Variants in PCDHGA2 observed in about 807,000 individuals in gnomAD.
PCDHGA2 encodes protocadherin gamma subfamily A, 2.
PCDHGA2 carries 40 observed loss-of-function variants against 59.2 expected under a neutral mutation model. The ratio of observed to expected loss-of-function variants is 0.68; its 90% CI spans 0.52 to 0.88. The LOEUF (loss-of-function observed/expected upper bound fraction) is 0.88, where lower values mean the gene tolerates loss of function less well. Ranked by LOEUF, PCDHGA2 falls within the 40% of genes least tolerant of loss-of-function variation. The probability of loss-of-function intolerance (pLI) is 0.00; values close to 1 mark genes in which losing one functional copy is unlikely to be tolerated. For missense variants in PCDHGA2, 1,226 were observed against 1,204.0 expected (o/e 1.02, Z -0.27); for synonymous variants, 560 against 526.0 (o/e 1.06, Z -0.89).
At chr5:141,438,631 TATATACACAC>T (rs1330021858) in intron 1 of PCDHGA2, among the ~76,000 whole-genome samples, 2,835 of 42,824 alleles carry the variant, frequency 0.066, 23 homozygotes, top group African/African-American at 0.13. Flanking sequence ...TATATATATA[TATATACACAC>T]ACACACACAC....
At chr5:141,427,693 C>G in intron 1 of PCDHGA2, 1 of 909,726 alleles carries the variant, frequency 1.1e-6, no homozygotes, top group Non-Finnish European at 1.8e-6. Flanking sequence ...GCCTCCATCC[C>G]ACAAGTCAGC....
At position 141,340,365 on chromosome 5, in the gene PCDHGA2, A is replaced by G; in HGVS notation, c.1394A>G (p.Asn465Ser). Reference protein sequence around the residue: ...TSYSTYIPENNPRGASVFSVT... With the variant: ...TSYSTYIPENSPRGASVFSVT... The stretch of plus-strand genomic sequence containing the variant: ...TACTCCACCTACATTCCCGAAAACA[A>G]CCCCAGAGGAGCCTCTGTCTTCTCA... The change falls in exon 1 of 4, where the codon AAC (asparagine) becomes AGC (serine). Residue 465 changes from asparagine (N) to serine (S), a missense_variant. Coordinates refer to ENST00000394576, the MANE Select transcript of PCDHGA2 (RefSeq NM_018915.4). 4.3e-6 allele frequency: 7 copies of G among 1,613,566 alleles called. No homozygotes were observed. Among genetic ancestry groups the G allele is most frequent in the Non-Finnish European group, 5.9e-6 (7 of 1,179,888 alleles).
At chr5:141,372,619 C>T in intron 1 of PCDHGA2, 1 of 1,613,968 alleles carries the variant, frequency 6.2e-7, no homozygotes, top group African/African-American at 1.3e-5. Flanking sequence ...GTTCTCCCCA[C>T]CTACAGCGAA....
chr5:141,361,862 A>G (rs529050420), intron 1 of PCDHGA2: 1 of 1,611,966 alleles, frequency 6.2e-7, no homozygotes, highest in East Asian at 2.2e-5. Context: ...GCCCTCTTCG[A>G]TATGGTGCCA....
At chr5:141,388,721 C>A (rs373386803) in intron 1 of PCDHGA2, 33 of 1,613,884 alleles carry the variant, frequency 2.0e-5, no homozygotes, top group Non-Finnish European at 2.7e-5. Context: ...AGATTACTTT[C>A]TCTTTCAGTG....
At chr5:141,373,472 A>G (rs1012142467) in intron 1 of PCDHGA2, among the ~76,000 whole-genome samples, 1 of 152,230 alleles carries the variant, frequency 6.6e-6, no homozygotes, top group African/African-American at 2.4e-5. Context: ...GCAATGAGCT[A>G]TAATTGTGCC....
At chr5:141,351,132 A>G (rs1415621297) in intron 1 of PCDHGA2, 2 of 1,614,032 alleles carry the variant, frequency 1.2e-6, no homozygotes, top group South Asian at 1.1e-5. Flanking sequence ...TTCAATCTCA[A>G]TCCAAATACT....
rs774439162 is a variant in PCDHGA2 at position 141,360,155 on chromosome 5, G to T, written c.2424+18760G>T. 2.5e-6 allele frequency: 4 copies of T among 1,603,962 alleles called. No individual in the cohort carries two copies. In the South Asian group the frequency reaches 4.5e-5, roughly 18 times the overall value. On this transcript the variant is annotated intron_variant, in intron 1 of 3. Transcript: ENST00000394576. The stretch of plus-strand genomic sequence containing the variant: ...CAGAAGATGAAAGCGAGCTCAGGGA[G>T]GTGCGGGCTGGTGCGGTGGCTGCAG...
intron 1 of PCDHGA2, chr5:141,394,218 G>C: frequency 6.2e-7 from 1 of 1,613,918 alleles, no homozygotes; most frequent in Non-Finnish European, 8.5e-7. Context: ...CCTGAGAGGA[G>C]CCTCCATCTT....
At position 141,370,441 on chromosome 5, in the gene PCDHGA2, T is replaced by C. The variant is rs2149963078; in HGVS notation, c.2424+29046T>C. On this transcript the variant is annotated intron_variant, in intron 1 of 3. Transcript: ENST00000394576. ...AGGGGCCCAGCAGGGCAGAGGCGAA[T>C]GCTATTTCTCTTCCTGCTCTCTTTG... 3.1e-6 allele frequency: 5 copies of C among 1,605,944 alleles called. No homozygotes were observed. Among genetic ancestry groups the C allele is most frequent in the Admixed American group, 1.7e-5 (1 of 58,778 alleles).
intron 1 of PCDHGA2, chr5:141,411,352 C>T (rs1002274073): frequency 2.6e-5 from 4 of 152,176 alleles, no homozygotes; most frequent in African/African-American, 9.7e-5. Flanking sequence ...GAAAGTATCA[C>T]TTGAGCCCAA....
Position 141,476,373 on chromosome 5 carries a change from T to C in PCDHGA2, c.2425-18434T>C. 1 of 1,614,054 alleles carries C rather than the reference T, an allele frequency of 6.2e-7. No individual in the cohort carries two copies. Among genetic ancestry groups the C allele is most frequent in the Non-Finnish European group, 8.5e-7 (1 of 1,180,020 alleles). On this transcript the variant is annotated intron_variant, in intron 1 of 3. Transcript: ENST00000394576. This position sits in a 1 kb window ranked among gnomAD's most constrained non-coding sequence, Gnocchi z 7.6. ...GAGGTGAACCGGGAGACCGGAGAGA[T>C]GTTTGTGAACGACCGTCTGGATCGA...
intron 1 of PCDHGA2, chr5:141,382,935 A>C: frequency 6.3e-7 from 1 of 1,589,148 alleles, no homozygotes; most frequent in Non-Finnish European, 8.6e-7. Flanking sequence ...ACTACAGAGG[A>C]TTCTTCCTGC....
Position 141,505,463 on chromosome 5 carries a change from A to G in PCDHGA2, c.2554A>G (p.Ile852Val). 1 of 1,614,184 alleles carries G rather than the reference A, an allele frequency of 6.2e-7. No homozygotes were observed. Among genetic ancestry groups the G allele is most frequent in the East Asian group, 2.2e-5 (1 of 44,876 alleles). Residue 852 changes from isoleucine to valine, a missense_variant, in exon 3 of 4, where the codon ATC (isoleucine) becomes GTC (valine). Ile to Val is a conservative substitution (Grantham distance 29). Transcript: ENST00000394576. Reference protein sequence around the residue: ...QFDTEMLQAMILASASEAADG... With the variant: ...QFDTEMLQAMVLASASEAADG... ...TGACACAGAGATGCTGCAAGCCATG[A>G]TCTTGGCGTCCGCCAGTGGTAAGTG...
At chr5:141,350,517 G>A (rs1440079491) in intron 1 of PCDHGA2, 1 of 1,613,896 alleles carries the variant, frequency 6.2e-7, no homozygotes, top group African/African-American at 1.3e-5. Flanking sequence ...GTGAACGGTA[G>A]GATAGATCGA....
At position 141,491,681 on chromosome 5, in the gene PCDHGA2, C is replaced by T; in HGVS notation, c.2425-3126C>T. 6.2e-6 allele frequency: 10 copies of T among 1,613,458 alleles called. No homozygotes were observed. Among genetic ancestry groups the T allele is most frequent in the Non-Finnish European group, 8.5e-6 (10 of 1,179,804 alleles). On this transcript the variant is annotated intron_variant, in intron 1 of 3. Transcript: ENST00000394576. The surrounding 1 kb of genome is among the most constrained non-coding windows in gnomAD (Gnocchi z 6.9). ...GACGCCATCCGGTCCCGCTCTAATA[C>T]GCTGCGGGAGCGGAGCCAGGTGAGG...
chr5:141,403,196 G>C lies in PCDHGA2; in HGVS notation c.2424+61801G>C, dbSNP rs762413220. 13 of 1,613,868 alleles carry C rather than the reference G, an allele frequency of 8.1e-6. No individual in the cohort carries two copies. The highest frequency in any genetic ancestry group is 1.6e-4 in the Middle Eastern group (1 of 6,078). On this transcript the variant is annotated intron_variant, in intron 1 of 3. Transcript: ENST00000394576. ...GCTTTTCTCTCTGAACCCGCGCAGC[G>C]GCACCTTGGTCACCGCGGGTAGGAT...
At chr5:141,416,362 G>A (rs562901653) in intron 1 of PCDHGA2, 4 of 152,306 alleles carry the variant, frequency 2.6e-5, no homozygotes, top group African/African-American at 7.2e-5. Flanking sequence ...GGAGGCTATA[G>A]AGGGTGAAAT....
rs374995933 is a variant in PCDHGA2 at position 141,371,810 on chromosome 5, G to T, written c.2424+30415G>T. 1,100 of 1,613,756 alleles carry T rather than the reference G, an allele frequency of 6.8e-4. 2 individuals carry two copies. Among genetic ancestry groups the T allele is most frequent in the Non-Finnish European group, 9.0e-4 (1,060 of 1,179,898 alleles). On this transcript the variant is annotated intron_variant, in intron 1 of 3. Transcript: ENST00000394576. ...ACAATCCGCCTGGAGCCTCCATTGC[G>T]CATGTCAGAGCCTCGGATCCCGACT...
Sources: gnomAD v4.1 joint callset for allele counts (sites outside exome capture counted in the v4.1 genomes callset) on GRCh38, gnomAD v4.1.1 for gene constraint, Gnocchi (gnomAD v3.1) non-coding constraint, MANE v1.5 for transcripts, NCBI Gene and HGNC (gene_info 2026-07-23, HGNC 2026-07-21) for gene names.